DIP2A: variants seen among roughly 807,000 people sequenced by gnomAD.
DIP2A encodes DIP2 acetate--CoA ligase A, also known as disco-interacting protein 2 homolog A.
Under a neutral mutation model 177.4 loss-of-function variants are expected in DIP2A, and 85 were observed. The observed-to-expected ratio is 0.48, with a 90% CI of 0.40 to 0.57. The LOEUF (loss-of-function observed/expected upper bound fraction) is 0.57. Among genes scored for constraint, DIP2A ranks in the 20% least tolerant of loss-of-function variants. DIP2A has a pLI of 0.00. For missense variants in DIP2A, 1,791 were observed against 2,100.2 expected, an observed-to-expected ratio of 0.85 and a Z score of 2.88; for synonymous variants, 886 against 881.8, an observed-to-expected ratio of 1.00 and a Z score of -0.08.
At chr21:46,552,798 A>G (rs927610832) in intron 25 of DIP2A, 2 of 152,216 alleles carry the variant, frequency 1.3e-5, no homozygotes, top group African/African-American at 2.4e-5. Flanking sequence ...AGCATCTAGA[A>G]CCATGCCCAG....
In DIP2A at chr21:46,515,159, T is replaced by C. The variant is rs189217976; in HGVS notation, c.1102+3545T>C. On this transcript the variant is annotated intron_variant, in intron 8 of 37. Transcript: ENST00000417564. ...AGTATGCCTAGCTCACAGCCTCAACTGTTAAACCAGCGTTCAAATCTAGGT... is the reference window on the plus strand; with the variant it reads ...AGTATGCCTAGCTCACAGCCTCAACCGTTAAACCAGCGTTCAAATCTAGGT... Among the ~76,000 whole-genome samples, 909 of 152,350 alleles carry C rather than the reference T, an allele frequency of 6.0e-3. 7 individuals carry two copies. The highest frequency in any genetic ancestry group is 0.02 in the Middle Eastern group (6 of 294).
At chr21:46,531,919 T>C (rs757515917) in intron 9 of DIP2A, among the ~76,000 whole-genome samples, 3 of 152,230 alleles carry the variant, frequency 2.0e-5, no homozygotes, top group Non-Finnish European at 4.4e-5. Flanking sequence ...CAGCACTTAT[T>C]GGTTATTCAT....
rs183263303 is a variant in DIP2A at position 46,550,696 on chromosome 21, C to T, written c.2791C>T (p.Pro931Ser). ...GCACCCGTGTAATGTGCTGATGTGC[C>T]CTCACACCTGTGTTACCAACCTCCC... is the stretch of plus-strand genomic sequence containing the variant. ...TLHPCNVLMC[P>S]HTCVTNLPKP... Residue 931 changes from proline (P) to serine (S), a missense_variant, in exon 23 of 38, where the codon CCT becomes TCT. Transcript: ENST00000417564. 6.8e-6 allele frequency: 11 copies of T among 1,614,014 alleles called. No individual in the cohort carries two copies. The highest frequency in any genetic ancestry group is 2.2e-5 in the East Asian group (1 of 44,880).
the DIP2A span, among the ~76,000 whole-genome samples, chr21:46,577,793 T>C: frequency 6.6e-6 from 1 of 152,232 alleles, no homozygotes; most frequent in Non-Finnish European, 1.5e-5. Flanking sequence ...TTTGTTTGTG[T>C]CTTCTCTGAT....
chr21:46,510,197 G>C lies in DIP2A; in HGVS notation c.904+821G>C, dbSNP rs140914584. On this transcript the variant is annotated intron_variant, in intron 7 of 37. Coordinates refer to ENST00000417564, the MANE Select transcript of DIP2A (RefSeq NM_015151.4). Reference sequence around the variant, plus strand: ...AAGTACTTGGAATCCAATGTTCTAGGGCAGGAAGCATCCAGCACAGGAGAA... The same window carrying C: ...AAGTACTTGGAATCCAATGTTCTAGCGCAGGAAGCATCCAGCACAGGAGAA... Among the ~76,000 whole-genome samples the C allele has an allele frequency of 2.9e-4, 44 of 152,316 alleles. No homozygotes were observed. In the East Asian group the frequency reaches 7.3e-3, roughly 25 times the overall value.
At chr21:46,545,378 T>A in intron 19 of DIP2A, 105 bp downstream of exon 19, 1 of 1,362,312 alleles carries the variant, frequency 7.3e-7, no homozygotes, top group Non-Finnish European at 1.0e-6. Flanking sequence ...GCGGGGATGG[T>A]CTCCTTCCAC....
intron 5 of DIP2A, among the ~76,000 whole-genome samples, chr21:46,499,520 T>G (rs937981378): frequency 3.3e-5 from 5 of 152,158 alleles, no homozygotes; most frequent in African/African-American, 1.2e-4. Context: ...GGGCTTTCGC[T>G]CCTCCAGATA....
chr21:46,498,484 G>A lies in DIP2A; in HGVS notation c.404-98G>A, dbSNP rs2057475897. ...AGCTGTGCCAGGTGTACAGAAGCATGCTGCACACAGGTCTGGGAGGCTCCA... is the reference window on the plus strand; with the variant it reads ...AGCTGTGCCAGGTGTACAGAAGCATACTGCACACAGGTCTGGGAGGCTCCA... On this transcript the variant is annotated intron_variant, in intron 4 of 37. Transcript: ENST00000417564. This position sits in a 1 kb window ranked among gnomAD's most constrained non-coding sequence, Gnocchi z 4.3. 2.8e-6 allele frequency: 4 copies of A among 1,404,214 alleles called. No homozygotes were observed. The African/African-American group carries it at 5.7e-5, about 20-fold the overall frequency. The allele number at this position is 1,404,214 out of a possible 1,614,324, so 87.0% of individuals were successfully genotyped here. A position where few individuals can be genotyped will look rare whatever the true frequency, so the allele number is the denominator to read the frequency against.
In DIP2A at chr21:46,529,149, G is replaced by T; in HGVS notation, c.1160G>T (p.Ser387Ile). 6.5e-7 allele frequency: 1 copy of T among 1,536,110 alleles called. No homozygotes were observed. Among genetic ancestry groups the T allele is most frequent in the Non-Finnish European group, 8.8e-7 (1 of 1,140,666 alleles). ...LAYTLLNKLT[S>I]KNEPLLKPGD... ...TATACTCTACTTAATAAACTGACAA[G>T]TAAGAATGAACCTCTACTTAAACCT... Residue 387 changes from serine (S) to isoleucine (I), a missense_variant, in exon 9 of 38, where the codon AGT (serine) becomes ATT (isoleucine). Transcript: ENST00000417564.
downstream of DIP2A, among the ~76,000 whole-genome samples, chr21:46,574,207 T>G (rs182762948): frequency 6.6e-6 from 1 of 152,064 alleles, no homozygotes; most frequent in Admixed American, 6.5e-5. Context: ...ACTGAGAAAA[T>G]ACAGAAATTA....
rs776354501 is a variant in DIP2A, at chr21:46,550,632, C to T, written c.2727C>T (p.His909=). Reference sequence around the variant, plus strand: ...CCAAGGCTCCTCTCGGAGGGATTCACATTTCTGAAACCAAACAGCGCTTTC... The same window carrying T: ...CCAAGGCTCCTCTCGGAGGGATTCATATTTCTGAAACCAAACAGCGCTTTC... ...TLPKAPLGGI[H]ISETKQRFLE... The change falls in exon 23 of 38, where the codon CAC becomes CAT. Residue 909 remains histidine, a synonymous_variant. Transcript: ENST00000417564. 6.2e-7 allele frequency: 1 copy of T among 1,613,982 alleles called. No homozygotes were observed. The highest frequency in any genetic ancestry group is 1.7e-5 in the Admixed American group (1 of 60,022).
rs753444304 is a variant in DIP2A, at chr21:46,556,959, C to A, written c.3519C>A (p.Ser1173Arg). 5 of 1,580,236 alleles carry A rather than the reference C, an allele frequency of 3.2e-6. No individual in the cohort carries two copies. The highest frequency in any genetic ancestry group is 4.3e-6 in the Non-Finnish European group (5 of 1,161,234). The change falls in exon 30 of 38, where the codon AGC (serine) becomes AGA (arginine). Residue 1173 changes from serine (S) to arginine (R), a missense_variant. Physicochemically the swap from Ser to Arg is moderately radical, Grantham distance 110. Transcript: ENST00000417564. This position sits in a 1 kb window ranked among gnomAD's most constrained non-coding sequence, Gnocchi z 4.5. Reference sequence around the variant, plus strand: ...TTAAGATGTCGCACGCGGCCACAAGCGCCTTATGCCGCTCCATAAAGCTGC... The same window carrying A: ...TTAAGATGTCGCACGCGGCCACAAGAGCCTTATGCCGCTCCATAAAGCTGC... ...AGVKMSHAAT[S>R]ALCRSIKLQC...
rs927022121 is a variant in DIP2A at position 46,459,179 on chromosome 21, G to A, written c.48G>A (p.Glu16=). ...CPLEAAPLPA[E]VRESLAELEL... The stretch of plus-strand genomic sequence containing the variant: ...TGGAGGCGGCGCCGCTGCCTGCCGA[G>A]GTGCGGGAGAGCCTGGCTGAGCTGG... Residue 16 remains glutamate (E), a synonymous_variant, in exon 1 of 38, where the codon GAG becomes GAA. Transcript: ENST00000417564. 2.6e-6 allele frequency: 4 copies of A among 1,524,040 alleles called. No homozygotes were observed. Among genetic ancestry groups the A allele is most frequent in the Non-Finnish European group, 3.5e-6 (4 of 1,136,462 alleles). 94.4% of individuals were successfully genotyped at this position (1,524,040 alleles called of 1,614,324 possible). A position where few individuals can be genotyped will look rare whatever the true frequency, so the allele number is the denominator to read the frequency against.
chr21:46,560,993 C>T (rs1768172807), intron 33 of DIP2A: 1 of 985,440 alleles, frequency 1.0e-6, no homozygotes, highest in South Asian at 4.7e-5. Flanking sequence ...CTGTGTGCCC[C>T]ACTCCGGGCG....
At chr21:46,538,836 A>G (rs1569067033) in intron 16 of DIP2A, 3 of 532,678 alleles carry the variant, frequency 5.6e-6, no homozygotes, top group East Asian at 7.5e-5. Flanking sequence ...TGAAAGGTAC[A>G]TGCCTTAATG....
intron 8 of DIP2A, among the ~76,000 whole-genome samples, chr21:46,513,016 A>G (rs1346328927): frequency 2.0e-5 from 3 of 151,886 alleles, no homozygotes; most frequent in Non-Finnish European, 4.4e-5. Context: ...TGTTTTGCAA[A>G]TGTCTCCTCA....
rs1218195486 is a variant in DIP2A, at chr21:46,541,761, C to T, written c.2042C>T (p.Pro681Leu). The T allele has an allele frequency of 8.1e-6, 13 of 1,613,790 alleles. No individual in the cohort carries two copies. Among genetic ancestry groups the T allele is most frequent in the Non-Finnish European group, 1.1e-5 (13 of 1,179,856 alleles). The change falls in exon 18 of 38, where the codon CCT (proline) becomes CTT (leucine). Residue 681 changes from proline to leucine, a missense_variant. By Grantham distance (98) the Pro-to-Leu change is moderately conservative. Transcript: ENST00000417564. ...ATGGTGGTTTTATTTTCTAGGCCAC[C>T]TGATCTGGGAGGACCACCTCCAAGA... ...EALTVAIRRP[P>L]DLGGPPPRKA...
chr21:46,524,085 T>C (rs2058953965), intron 8 of DIP2A, among the ~76,000 whole-genome samples: 1 of 152,194 alleles, frequency 6.6e-6, no homozygotes, highest in South Asian at 2.1e-4. Context: ...TTTCCCCTTT[T>C]GGGGAGAAAA....
chr21:46,477,543 T>TTTTTTTTGTGTGTGTGTGTGTG (rs374607636), intron 1 of DIP2A, among the ~76,000 whole-genome samples: 1 of 87,132 alleles, frequency 1.1e-5, no homozygotes, highest in African/African-American at 4.3e-5. Flanking sequence ...AAAAAAAGAT[T>TTTTTTTTGTGTGTGTGTGTGTG]TGTGTGTGTG....
Sources: gnomAD v4.1 joint callset for allele counts (sites outside exome capture counted in the v4.1 genomes callset) on GRCh38, gnomAD v4.1.1 for gene constraint, Gnocchi (gnomAD v3.1) non-coding constraint, MANE v1.5 for transcripts, NCBI Gene and HGNC (gene_info 2026-07-23, HGNC 2026-07-21) for gene names.